Variants in PCDH15 observed in about 807,000 individuals in gnomAD.
PCDH15 encodes the protein protocadherin related 15, also known as protocadherin-15.
PCDH15 carries 129 observed loss-of-function variants against 178.5 expected under a neutral mutation model. That is an observed-to-expected ratio of 0.72 (90% confidence interval 0.63 to 0.84). The LOEUF (loss-of-function observed/expected upper bound fraction) is 0.84, where lower values mean the gene tolerates loss of function less well. Among genes scored for constraint, PCDH15 ranks in the 40% least tolerant of loss-of-function variants. The pLI is 0.00. For synonymous variants in PCDH15, 800 were observed against 732.0 expected (o/e 1.09, Z -1.50); for missense variants, 2,230 against 2,099.9 (o/e 1.06, Z -1.21).
At chr10:54,900,982 C>G (rs1199707204) in intron 2 of PCDH15, among the ~76,000 whole-genome samples, 9 of 152,132 alleles carry the variant, frequency 5.9e-5, no homozygotes, top group African/African-American at 2.2e-4. Context: ...CATTTGTGCT[C>G]TAGACCTTGT....
At position 55,005,494 on chromosome 10, in the gene PCDH15, G is replaced by A. The variant is rs534427124; in HGVS notation, c.-79-107994C>T. ...ATTCCAAGTTTCATTTAGTATCTACGTGGATACGCATCCCTCATTAATTGA... is the reference window on the plus strand; with the variant it reads ...ATTCCAAGTTTCATTTAGTATCTACATGGATACGCATCCCTCATTAATTGA... On this transcript the variant is annotated intron_variant, in intron 2 of 5. Coordinates refer to the PCDH15 transcript ENST00000458638. Among the ~76,000 whole-genome samples, 7 of 151,930 alleles carry A rather than the reference G, an allele frequency of 4.6e-5. No individual in the cohort carries two copies. In the South Asian group the frequency reaches 6.2e-4, roughly 14 times the overall value.
At chr10:55,539,137 C>G (rs1020243757) in intron 2 of PCDH15, among the ~76,000 whole-genome samples, 1 of 151,036 alleles carries the variant, frequency 6.6e-6, no homozygotes, top group Non-Finnish European at 1.5e-5. Context: ...TATTATTTCC[C>G]CTTATATTTA....
At chr10:54,926,931 T>G (rs1837644199) in intron 2 of PCDH15, among the ~76,000 whole-genome samples, 1 of 152,080 alleles carries the variant, frequency 6.6e-6, no homozygotes. Flanking sequence ...TTTAAAATTT[T>G]TTTTTAATCT....
intron 1 of PCDH15, among the ~76,000 whole-genome samples, chr10:55,195,653 T>TAAA (rs5785123): frequency 2.5e-5 from 3 of 118,134 alleles, no homozygotes; most frequent in African/African-American, 9.6e-5. Flanking sequence ...AAACTCCATC[T>TAAA]AAAAAAAAAA....
At chr10:54,107,739 G>A (rs1400280949) in intron 15 of PCDH15, among the ~76,000 whole-genome samples, 1 of 152,142 alleles carries the variant, frequency 6.6e-6, no homozygotes, top group Admixed American at 6.5e-5. Flanking sequence ...TGTTGTGGAA[G>A]TGATCAATGT....
chr10:54,555,183 T>C (rs996072666), intron 2 of PCDH15, among the ~76,000 whole-genome samples: 6 of 152,094 alleles, frequency 3.9e-5, no homozygotes, highest in African/African-American at 1.4e-4. Flanking sequence ...TCAGGCACAG[T>C]AATATAGTTT....
chr10:55,174,347 C>T (rs939534246), intron 1 of PCDH15, among the ~76,000 whole-genome samples: 12 of 152,096 alleles, frequency 7.9e-5, no homozygotes, highest in African/African-American at 2.9e-4. Flanking sequence ...TCTGAAGAAT[C>T]CACGACCAGA....
intron 8 of PCDH15, among the ~76,000 whole-genome samples, chr10:54,308,216 A>G (rs571335567): frequency 1.3e-5 from 2 of 152,258 alleles, no homozygotes. Flanking sequence ...ATAAATGTGT[A>G]GGAAAACTTA....
At chr10:54,023,402 AC>A (rs1025499350) in intron 18 of PCDH15, among the ~76,000 whole-genome samples, 3 of 151,650 alleles carry the variant, frequency 2.0e-5, no homozygotes, top group Non-Finnish European at 2.9e-5. Context: ...AATTAACATA[AC>A]AAAAACGGAT....
At chr10:54,138,258 G>T (rs902221356) in intron 14 of PCDH15, among the ~76,000 whole-genome samples, 3 of 152,068 alleles carry the variant, frequency 2.0e-5, no homozygotes, top group Non-Finnish European at 2.9e-5. Flanking sequence ...GTGTGTGTGT[G>T]TGTGAGCAAG....
chr10:54,938,384 T>A (rs1246030487), intron 2 of PCDH15, among the ~76,000 whole-genome samples: 1 of 151,172 alleles, frequency 6.6e-6, no homozygotes, highest in Admixed American at 6.6e-5. Context: ...GATATTACTT[T>A]ATAGTTTTAC....
chr10:55,119,692 G>A (rs372114046), intron 2 of PCDH15, among the ~76,000 whole-genome samples: 1 of 152,176 alleles, frequency 6.6e-6, no homozygotes, highest in African/African-American at 2.4e-5. Context: ...GTCAAAGAAC[G>A]ATGTATTGCC....
intron 3 of PCDH15, among the ~76,000 whole-genome samples, chr10:54,808,820 T>C (rs114571186): frequency 0.011 from 1,729 of 152,216 alleles, 37 homozygotes; most frequent in African/African-American, 0.04. Flanking sequence ...ATTCTGCAGT[T>C]AATGGAAACA....
intron 25 of PCDH15, among the ~76,000 whole-genome samples, chr10:53,934,320 A>T (rs1188092714): frequency 1.3e-5 from 2 of 152,122 alleles, no homozygotes; most frequent in East Asian, 3.9e-4. Flanking sequence ...CACCTCACTC[A>T]TGCCATCCCC....
At chr10:54,295,806 C>T (rs1410062780) in intron 8 of PCDH15, among the ~76,000 whole-genome samples, 1 of 152,088 alleles carries the variant, frequency 6.6e-6, no homozygotes, top group African/African-American at 2.4e-5. Flanking sequence ...TTCTATTTTT[C>T]CTTAGAATTC....
intron 2 of PCDH15, among the ~76,000 whole-genome samples, chr10:55,582,582 CTGTATG>C (rs1283664870): frequency 3.5e-5 from 4 of 113,606 alleles, no homozygotes; most frequent in African/African-American, 1.1e-4. Context: ...ACTGGCTATT[CTGTATG>C]TGTATGTGTA....
chr10:55,069,196 C>G (rs960517957), intron 2 of PCDH15, among the ~76,000 whole-genome samples: 1 of 151,536 alleles, frequency 6.6e-6, no homozygotes, highest in African/African-American at 2.4e-5. Context: ...CCACTGCACC[C>G]AGACTGTATT....
chr10:53,823,024 C>T (rs780861426), intron 32 of PCDH15: 1 of 1,614,016 alleles, frequency 6.2e-7, no homozygotes, highest in Non-Finnish European at 8.5e-7. Flanking sequence ...TGAATCTTTT[C>T]TCTTGGGCCC....
chr10:55,287,044 T>C (rs1056806637), intron 1 of PCDH15, among the ~76,000 whole-genome samples: 5 of 151,974 alleles, frequency 3.3e-5, no homozygotes, highest in African/African-American at 1.2e-4. Context: ...AAAAGCTTTA[T>C]TTTTCATTAA....
Sources: allele counts gnomAD v4.1 joint callset (sites outside exome capture counted in the v4.1 genomes callset), GRCh38; gene constraint gnomAD v4.1.1; transcripts MANE v1.5; gene names NCBI Gene and HGNC (gene_info 2026-07-23, HGNC 2026-07-21).